The following CCDC178 variants were observed in gnomAD, a reference collection of about 807,000 sequenced individuals.
CCDC178 encodes the protein coiled-coil domain-containing protein 178.
CCDC178 carries 126 observed loss-of-function variants against 117.4 expected under a neutral mutation model. The ratio of observed to expected loss-of-function variants is 1.07; its 90% confidence interval spans 0.93 to 1.24. The LOEUF is 1.24. CCDC178 is among the 50% of genes most tolerant of loss of function. The pLI, the probability that CCDC178 is intolerant of heterozygous loss-of-function variation, is 0.00. For missense variants in CCDC178, 1,030 were observed against 986.9 expected (o/e 1.04, Z -0.59); for synonymous variants, 283 against 313.4 (o/e 0.90, Z 1.02).
intron 15 of CCDC178, among the ~76,000 whole-genome samples, chr18:33,227,908 T>G (rs1398778016): frequency 6.6e-6 from 1 of 152,198 alleles, no homozygotes; most frequent in Non-Finnish European, 1.5e-5. Flanking sequence ...TTGATAATTT[T>G]AAATAGATTA....
intron 5 of CCDC178, among the ~76,000 whole-genome samples, chr18:33,379,364 C>T (rs1313890114): frequency 6.6e-6 from 1 of 151,832 alleles, no homozygotes; most frequent in Non-Finnish European, 1.5e-5. Context: ...ACCTACAAGC[C>T]AATAGATGCC....
chr18:33,019,149 G>A (rs571174538), intron 21 of CCDC178, among the ~76,000 whole-genome samples: 71 of 152,142 alleles, frequency 4.7e-4, no homozygotes, highest in African/African-American at 1.7e-3. Flanking sequence ...TCTTGCTTCC[G>A]TAGTGCCTGG....
intron 14 of CCDC178, among the ~76,000 whole-genome samples, chr18:33,251,969 C>G (rs901325538): frequency 2.6e-5 from 4 of 151,492 alleles, no homozygotes; most frequent in African/African-American, 9.7e-5. Context: ...TCCAATGTAA[C>G]TAGGTTCTGT....
At chr18:33,104,700 G>A (rs2057681087) in intron 20 of CCDC178, among the ~76,000 whole-genome samples, 1 of 151,682 alleles carries the variant, frequency 6.6e-6, no homozygotes, top group South Asian at 2.1e-4. Flanking sequence ...ACTTCAGGTA[G>A]TACGATGGAA....
At chr18:33,275,844 C>G (rs1420908960) in intron 12 of CCDC178, among the ~76,000 whole-genome samples, 1 of 151,798 alleles carries the variant, frequency 6.6e-6, no homozygotes, top group Non-Finnish European at 1.5e-5. Flanking sequence ...GTTTCCTGCA[C>G]TGTGCCCTGA....
At chr18:33,014,703 A>T (rs2055942666) in intron 21 of CCDC178, among the ~76,000 whole-genome samples, 1 of 152,228 alleles carries the variant, frequency 6.6e-6, no homozygotes, top group African/African-American at 2.4e-5. Flanking sequence ...GGCTCAGGTC[A>T]TTTAAAAAAT....
chr18:33,042,072 G>C (rs1257411207), intron 21 of CCDC178, among the ~76,000 whole-genome samples: 1 of 151,854 alleles, frequency 6.6e-6, no homozygotes, highest in Admixed American at 6.6e-5. Context: ...TTTAGGAATG[G>C]AGCATCAATG....
At chr18:33,272,872 A>G (rs2059906416) in intron 12 of CCDC178, among the ~76,000 whole-genome samples, 1 of 151,386 alleles carries the variant, frequency 6.6e-6, no homozygotes. Flanking sequence ...AATTCAGTAA[A>G]CTAACAATAA....
chr18:33,219,411 C>A (rs909351549), intron 18 of CCDC178, among the ~76,000 whole-genome samples: 1 of 152,088 alleles, frequency 6.6e-6, no homozygotes, highest in African/African-American at 2.4e-5. Context: ...TTTGACCCAG[C>A]CATCCCATTA....
chr18:33,420,456 C>T (rs993251213), intron 2 of CCDC178, among the ~76,000 whole-genome samples: 20 of 152,108 alleles, frequency 1.3e-4, no homozygotes, highest in South Asian at 1.0e-3. Context: ...CAGGTTCAAG[C>T]GATTCTCATG....
intron 21 of CCDC178, among the ~76,000 whole-genome samples, chr18:33,049,507 G>T (rs2144921035): frequency 6.6e-6 from 1 of 151,948 alleles, no homozygotes; most frequent in Middle Eastern, 3.4e-3. Context: ...ATTATATCAA[G>T]ATAATTTCCA....
chr18:32,968,891 T>C (rs2054871108), intron 22 of CCDC178, among the ~76,000 whole-genome samples: 1 of 152,026 alleles, frequency 6.6e-6, no homozygotes, highest in African/African-American at 2.4e-5. Flanking sequence ...TTTCCTGACT[T>C]TCCTTCATTT....
intron 20 of CCDC178, among the ~76,000 whole-genome samples, chr18:33,119,948 C>A (rs1030986657): frequency 1.3e-5 from 2 of 152,002 alleles, no homozygotes; most frequent in Admixed American, 6.6e-5. Flanking sequence ...AAAAATCAAA[C>A]ACCGCTTGTT....
intron 21 of CCDC178, among the ~76,000 whole-genome samples, chr18:33,013,272 T>A (rs2055911256): frequency 6.6e-6 from 1 of 152,182 alleles, no homozygotes; most frequent in Non-Finnish European, 1.5e-5. Flanking sequence ...TTTAGTTCCT[T>A]AATCATATAG....
rs532924669 is a variant in CCDC178, at chr18:33,361,025, A to G, written c.349-4679T>C. On this transcript the variant is annotated intron_variant, in intron 6 of 22. Transcript: ENST00000383096. ...AATATAGAGCCATAAAAAAACACCAAAAGTCCCAACAATACTGAGGAAAAA... is the reference window on the plus strand; with the variant it reads ...AATATAGAGCCATAAAAAAACACCAGAAGTCCCAACAATACTGAGGAAAAA... Among the ~76,000 whole-genome samples, 4 of 151,800 alleles carry G rather than the reference A, an allele frequency of 2.6e-5. No homozygotes were observed. In the South Asian group the frequency reaches 8.3e-4, roughly 31 times the overall value.
At position 33,226,115 on chromosome 18, in the gene CCDC178, C is replaced by A. The variant is rs1414713593; in HGVS notation, c.1656+678G>T. On this transcript the variant is annotated intron_variant, in intron 16 of 22. Transcript: ENST00000383096. ...GGCAGAGGTTATGGTGAGCCAAGAT[C>A]GTGCCACTGCACTCCAGCCTGGCGA... Among the ~76,000 whole-genome samples, 3 of 152,162 alleles carry A rather than the reference C, an allele frequency of 2.0e-5. No homozygotes were observed. The East Asian group carries it at 5.8e-4, about 29-fold the overall frequency.
At chr18:33,428,288 G>A (rs1016106627) in intron 2 of CCDC178, among the ~76,000 whole-genome samples, 1 of 152,094 alleles carries the variant, frequency 6.6e-6, no homozygotes, top group African/African-American at 2.4e-5. Flanking sequence ...ATCTAGAAAA[G>A]TCTTAACCCA....
intron 20 of CCDC178, among the ~76,000 whole-genome samples, chr18:33,121,338 C>A (rs190832905): frequency 6.6e-6 from 1 of 152,242 alleles, no homozygotes; most frequent in African/African-American, 2.4e-5. Flanking sequence ...GAGTTCCAGG[C>A]TGCCCAAAAT....
At chr18:33,040,630 T>C (rs1386953543) in intron 21 of CCDC178, among the ~76,000 whole-genome samples, 1 of 151,848 alleles carries the variant, frequency 6.6e-6, no homozygotes, top group African/African-American at 2.4e-5. Context: ...CTCCAAGCCA[T>C]TTAGGAAGGA....
Sources: gnomAD v4.1 joint callset for allele counts (sites outside exome capture counted in the v4.1 genomes callset) on GRCh38, gnomAD v4.1.1 for gene constraint, MANE v1.5 for transcripts, NCBI Gene and HGNC (gene_info 2026-07-23, HGNC 2026-07-21) for gene names.